ADGRL2: variants seen among roughly 807,000 people sequenced by gnomAD.
ADGRL2 encodes the protein calcium-independent alpha-latrotoxin receptor 2.
A neutral mutation model predicts 157.4 loss-of-function variants in ADGRL2; 44 were observed. That is an observed-to-expected ratio of 0.28 (90% CI 0.22 to 0.36). The LOEUF (loss-of-function observed/expected upper bound fraction) is 0.36. Ranked by LOEUF, ADGRL2 falls within the 10% of genes least tolerant of loss-of-function variation. ADGRL2 has a pLI of 1.00. For missense variants in ADGRL2, 1,510 were observed against 1,768.9 expected (o/e 0.85, Z 2.63); for synonymous variants, 585 against 624.7 (o/e 0.94, Z 0.95).
chr1:81,837,057 G>T lies in ADGRL2; in HGVS notation c.73G>T (p.Gly25Cys). 6.4e-7 allele frequency: 1 copy of T among 1,568,014 alleles called. No homozygotes were observed. Among genetic ancestry groups the T allele is most frequent in the South Asian group, 1.2e-5 (1 of 84,762 alleles). The change falls in exon 2 of 24, where the codon GGT becomes TGT. Residue 25 changes from glycine to cysteine, a missense_variant and splice_region_variant. Around this residue, in one of 4 missense-constraint regions of ADGRL2, gnomAD observed 361 missense variants for 498.4 expected, o/e 0.72. Coordinates refer to ENST00000686636, the MANE Select transcript of ADGRL2 (RefSeq NM_001366006.2). ...IVISFLPNTEGFSRAALPFGL... is the reference protein window; with the variant it reads ...IVISFLPNTECFSRAALPFGL... ...AATCAGCTTCTTACCAAATACAGAA[G>T]GTAAGATCCAGTTTACATTTTGTTT... is the stretch of plus-strand genomic sequence containing the variant.
intron 2 of ADGRL2, among the ~76,000 whole-genome samples, chr1:81,878,793 A>G (rs566539755): frequency 6.4e-4 from 98 of 152,212 alleles, no homozygotes; most frequent in Non-Finnish European, 1.3e-3. Flanking sequence ...AAATAAACAC[A>G]GTGTAATGGT....
chr1:81,476,228 GAAGA>G (rs898735616), intron 2 of ADGRL2, among the ~76,000 whole-genome samples: 3 of 152,056 alleles, frequency 2.0e-5, no homozygotes, highest in African/African-American at 4.8e-5. Flanking sequence ...AACAAGGAAG[GAAGA>G]AAGTACAATC....
At chr1:81,746,996 A>G (rs1256952726) in intron 1 of ADGRL2, among the ~76,000 whole-genome samples, 2 of 145,918 alleles carry the variant, frequency 1.4e-5, no homozygotes, top group Middle Eastern at 3.7e-3. Context: ...ATATACGTAT[A>G]TACGTGTATA....
chr1:81,704,316 T>C (rs1012484980), intron 1 of ADGRL2, among the ~76,000 whole-genome samples: 25 of 152,224 alleles, frequency 1.6e-4, no homozygotes, highest in Admixed American at 1.4e-3. Context: ...ATTCTTAGGC[T>C]TAGCTGGCTA....
chr1:81,722,737 GA>G, intron 1 of ADGRL2: 1 of 901,320 alleles, frequency 1.1e-6, no homozygotes, highest in Non-Finnish European at 1.8e-6. Flanking sequence ...TCAAAGAATA[GA>G]AAGAGTTAAG....
At chr1:81,883,896 G>C (rs998543340) in intron 2 of ADGRL2, among the ~76,000 whole-genome samples, 1 of 152,078 alleles carries the variant, frequency 6.6e-6, no homozygotes, top group Non-Finnish European at 1.5e-5. Flanking sequence ...ATGTGCTGCA[G>C]ATATTAAGAG....
intron 2 of ADGRL2, among the ~76,000 whole-genome samples, chr1:81,852,847 G>A (rs1196727352): frequency 2.0e-5 from 3 of 152,058 alleles, no homozygotes; most frequent in African/African-American, 4.8e-5. Context: ...CCAACATAAT[G>A]AACTTTTTAG....
At chr1:81,731,895 G>T (rs2084738294) in intron 1 of ADGRL2, among the ~76,000 whole-genome samples, 1 of 152,196 alleles carries the variant, frequency 6.6e-6, no homozygotes, top group Non-Finnish European at 1.5e-5. Context: ...GAGAGACTCA[G>T]CTATAGGGTT....
intron 2 of ADGRL2, among the ~76,000 whole-genome samples, chr1:81,763,741 C>T (rs2085990172): frequency 6.6e-6 from 1 of 151,972 alleles, no homozygotes; most frequent in African/African-American, 2.4e-5. Context: ...AAAATAGGGG[C>T]TAGGCGCAGT....
At chr1:81,745,175 A>G (rs531113958) in intron 1 of ADGRL2, among the ~76,000 whole-genome samples, 2 of 152,288 alleles carry the variant, frequency 1.3e-5, no homozygotes, top group African/African-American at 2.4e-5. Context: ...AAAAGACCCA[A>G]TGTGGAGTTA....
chr1:81,939,121 G>GT (rs1246556377), intron 4 of ADGRL2, among the ~76,000 whole-genome samples: 1 of 151,474 alleles, frequency 6.6e-6, no homozygotes, highest in Non-Finnish European at 1.5e-5. Context: ...ATTTAAGAAG[G>GT]TTTTCAAGAC....
Position 81,628,772 on chromosome 1 carries a change from A to C in ADGRL2, c.-143+47792A>C, listed in dbSNP as rs142148943. ...CTTCTAAATCAATCAAATGGCATGCATATGTTATAACCTCTTCTCAAATCA... is the reference window on the plus strand; with the variant it reads ...CTTCTAAATCAATCAAATGGCATGCCTATGTTATAACCTCTTCTCAAATCA... On this transcript the variant is annotated intron_variant, in intron 3 of 24. Transcript: ENST00000370721. 6.8e-3 allele frequency among the ~76,000 whole-genome samples: 1,031 copies of C among 152,336 alleles called. 10 individuals carry two copies. Among genetic ancestry groups the C allele is most frequent in the African/African-American group, 0.024 (982 of 41,578 alleles).
chr1:81,320,839 T>C (rs1033304751), intron 1 of ADGRL2, among the ~76,000 whole-genome samples: 3 of 152,186 alleles, frequency 2.0e-5, no homozygotes, highest in Non-Finnish European at 4.4e-5. Flanking sequence ...TTCAGAGTGG[T>C]AAATGAGCAT....
chr1:81,463,128 AAAAAAAG>A (rs2077975534), intron 2 of ADGRL2, among the ~76,000 whole-genome samples: 2 of 151,196 alleles, frequency 1.3e-5, no homozygotes, highest in African/African-American at 4.8e-5. Context: ...AAAAAAAAAA[AAAAAAAG>A]AAAAAGAAAA....
chr1:81,338,222 A>G (rs938879168), intron 1 of ADGRL2, among the ~76,000 whole-genome samples: 19 of 151,790 alleles, frequency 1.3e-4, no homozygotes, highest in African/African-American at 4.4e-4. Flanking sequence ...AATTAGCTGG[A>G]CTCTGTGGTG....
intron 1 of ADGRL2, among the ~76,000 whole-genome samples, chr1:81,356,666 CT>C (rs1663311314): frequency 6.6e-6 from 1 of 152,022 alleles, no homozygotes; most frequent in Non-Finnish European, 1.5e-5. Context: ...TAAGAAGTTT[CT>C]TTTTGGCTGG....
chr1:81,616,194 A>G (rs2081643259), intron 3 of ADGRL2, among the ~76,000 whole-genome samples: 2 of 152,170 alleles, frequency 1.3e-5, no homozygotes, highest in Admixed American at 1.3e-4. Context: ...AAAAAGCCAT[A>G]CCGTGACAAT....
At chr1:81,692,209 C>T (rs143599019) in intron 3 of ADGRL2, among the ~76,000 whole-genome samples, 2,322 of 152,034 alleles carry the variant, frequency 0.015, 69 homozygotes, top group African/African-American at 0.054. Context: ...GGGTTCGAGA[C>T]CAGCCTGGCC....
chr1:81,903,507 TTAC>T (rs912654803), intron 2 of ADGRL2, among the ~76,000 whole-genome samples: 85 of 151,790 alleles, frequency 5.6e-4, no homozygotes, highest in African/African-American at 2.0e-3. Flanking sequence ...GACCCTAAAT[TTAC>T]TACTATTTGA....
Sources: allele counts gnomAD v4.1 joint callset (sites outside exome capture counted in the v4.1 genomes callset), GRCh38; gene constraint gnomAD v4.1.1; regional missense constraint gnomAD v4.1.1; transcripts MANE v1.5; gene names NCBI Gene and HGNC (gene_info 2026-07-23, HGNC 2026-07-21).